Variants in G3BP2 observed in about 807,000 individuals in gnomAD.
G3BP2 encodes ras GTPase-activating protein-binding protein 2.
Under a neutral mutation model 56.7 loss-of-function variants are expected in G3BP2, and 11 were observed. The ratio of observed to expected loss-of-function variants is 0.19; its 90% confidence interval spans 0.12 to 0.32. The LOEUF is 0.32. Among genes scored for constraint, G3BP2 ranks in the 10% least tolerant of loss-of-function variants. The pLI is 1.00. For synonymous variants in G3BP2, 165 were observed against 191.6 expected, an observed-to-expected ratio of 0.86 and a Z score of 1.15; for missense variants, 340 against 610.9, an observed-to-expected ratio of 0.56 and a Z score of 4.67.
intron 1 of G3BP2, among the ~76,000 whole-genome samples, chr4:75,663,347 C>CCAGGCT (rs11272984): frequency 0.87 from 132,514 of 151,564 alleles, 57,960 homozygotes; most frequent in East Asian, 0.92. Flanking sequence ...GCCTCAACTG[C>CCAGGCT]CAGGCTCAGG....
chr4:75,644,409 C>A lies in G3BP2; in HGVS notation c.*1021G>T, dbSNP rs561460943. 3.0e-4 allele frequency: 46 copies of A among 152,676 alleles called. No individual in the cohort carries two copies. Among genetic ancestry groups the A allele is most frequent in the African/African-American group, 1.0e-3 (43 of 41,540 alleles). The allele number at this position is 152,676 out of a possible 1,614,324, so 9.5% of individuals were successfully genotyped here. ...GTCCATTTTACTGATTTTAAAGATA[C>A]TGCAATTTTTATACATTTCGATGAT... is the stretch of plus-strand genomic sequence containing the variant. On this transcript the variant is annotated 3_prime_UTR_variant, in exon 12 of 12. Coordinates refer to ENST00000359707, the MANE Select transcript of G3BP2 (RefSeq NM_203505.3).
intron 1 of G3BP2, chr4:75,724,265 G>C (rs1268068016): frequency 6.5e-6 from 1 of 154,078 alleles, no homozygotes; most frequent in Admixed American, 6.4e-5. Flanking sequence ...TCAGGCGCCA[G>C]GAAGCCTTAC....
At chr4:75,649,449 GGGAGTAATA>G (rs1350811319) in intron 8 of G3BP2, among the ~76,000 whole-genome samples, 3 of 152,130 alleles carry the variant, frequency 2.0e-5, no homozygotes, top group Non-Finnish European at 4.4e-5. Flanking sequence ...CTAGGGGTCT[GGGAGTAATA>G]GGACAGTTTA....
At chr4:75,660,738 G>A (rs928862147) in intron 2 of G3BP2, among the ~76,000 whole-genome samples, 5 of 152,126 alleles carry the variant, frequency 3.3e-5, no homozygotes, top group African/African-American at 9.7e-5. Flanking sequence ...CTTTCTCACA[G>A]TAAGTGGCAA....
Position 75,658,852 on chromosome 4 carries a change from A to G in G3BP2, c.168T>C (p.Tyr56=). 6.2e-7 allele frequency: 1 copy of G among 1,606,580 alleles called. No individual in the cohort carries two copies. Among genetic ancestry groups the G allele is most frequent in the Non-Finnish European group, 8.5e-7 (1 of 1,173,076 alleles). The change falls in exon 3 of 12, where the codon TAT becomes TAC. Residue 56 remains tyrosine, a synonymous_variant. Transcript: ENST00000359707. The part of the protein sequence containing the change: ...DASGKPQEAV[Y]GQNDIHHKVL... Reference sequence around the variant, plus strand: ...TGAAATTGATACTTACATTTTGGCCATAAACAGCTTCCTGGGGCTTTCCAC... The same window carrying G: ...TGAAATTGATACTTACATTTTGGCCGTAAACAGCTTCCTGGGGCTTTCCAC...
intron 8 of G3BP2, among the ~76,000 whole-genome samples, chr4:75,650,984 A>G (rs1301877897): frequency 6.6e-6 from 1 of 152,208 alleles, no homozygotes; most frequent in Non-Finnish European, 1.5e-5. Context: ...CTGACCCAAA[A>G]CATGCAGGAT....
At chr4:75,662,864 C>T (rs1337908268) in intron 1 of G3BP2, among the ~76,000 whole-genome samples, 1 of 152,180 alleles carries the variant, frequency 6.6e-6, no homozygotes, top group Non-Finnish European at 1.5e-5. Flanking sequence ...ACAGAGGGCC[C>T]AAGTTAAGAC....
rs1216630943 is a variant in G3BP2, at chr4:75,644,792, T to C, written c.*638A>G. 6.5e-6 allele frequency: 1 copy of C among 152,682 alleles called. No individual in the cohort carries two copies. The highest frequency in any genetic ancestry group is 6.5e-5 in the Admixed American group (1 of 15,280). The allele number at this position is 152,682 out of a possible 1,614,324, so 9.5% of individuals were successfully genotyped here. A position where few individuals can be genotyped will look rare whatever the true frequency, so the allele number is the denominator to read the frequency against. On this transcript the variant is annotated 3_prime_UTR_variant, in exon 12 of 12. Coordinates refer to ENST00000359707, the MANE Select transcript of G3BP2 (RefSeq NM_203505.3). Reference sequence around the variant, plus strand: ...AAATGATTTCCTTCTGGAATATACTTGTAGTCTTGTTAAGGTTTATGTGTA... The same window carrying C: ...AAATGATTTCCTTCTGGAATATACTCGTAGTCTTGTTAAGGTTTATGTGTA...
chr4:75,652,752 T>C (rs1046050699), intron 8 of G3BP2, among the ~76,000 whole-genome samples: 8 of 152,208 alleles, frequency 5.3e-5, no homozygotes, highest in Non-Finnish European at 1.0e-4. Flanking sequence ...AATTTTTTGA[T>C]CTCTAAAACA....
In G3BP2 at chr4:75,653,008, A is replaced by C. The variant is rs150214608; in HGVS notation, c.825+975T>G. 2.0e-3 allele frequency among the ~76,000 whole-genome samples: 312 copies of C among 152,296 alleles called. 1 individual carries two copies. The highest frequency in any genetic ancestry group is 6.9e-3 in the African/African-American group (286 of 41,566). On this transcript the variant is annotated intron_variant, in intron 8 of 11. Coordinates refer to ENST00000359707, the MANE Select transcript of G3BP2 (RefSeq NM_203505.3). ...TCTTCATATGGGTAGAAAAGCACAA[A>C]ACAATACTGCACAAACTAATTTCCT...
At chr4:75,685,305 A>C (rs1275153129) in intron 3 of G3BP2, among the ~76,000 whole-genome samples, 1 of 152,012 alleles carries the variant, frequency 6.6e-6, no homozygotes, top group Non-Finnish European at 1.5e-5. Context: ...GTTTGACACC[A>C]GCCTGGCCAA....
chr4:75,657,830 A>G (rs1435669480), intron 3 of G3BP2, 100 bp from the exon 4 acceptor site: 1 of 726,340 alleles, frequency 1.4e-6, no homozygotes, highest in Non-Finnish European at 2.3e-6. Flanking sequence ...ACTCTGCAAT[A>G]TTAACTAATC....
At chr4:75,703,333 A>G (rs981888820) in intron 3 of G3BP2, among the ~76,000 whole-genome samples, 1 of 152,198 alleles carries the variant, frequency 6.6e-6, no homozygotes, top group Non-Finnish European at 1.5e-5. Flanking sequence ...AGGACCAGAC[A>G]CTGCGGAGGC....
intron 3 of G3BP2, among the ~76,000 whole-genome samples, chr4:75,692,210 G>C (rs1718886507): frequency 6.6e-6 from 1 of 152,154 alleles, no homozygotes; most frequent in Non-Finnish European, 1.5e-5. Flanking sequence ...CGTAAGTTAA[G>C]GAACCTCTTG....
At position 75,655,785 on chromosome 4, in the gene G3BP2, A is replaced by G. The variant is rs929907418; in HGVS notation, c.528T>C (p.Tyr176=). The part of the protein sequence containing the change: ...PVQENANSGY[Y]EAHPVTNGIE... The stretch of plus-strand genomic sequence containing the variant: ...ATGCTTACGTCACAGGGTGAGCTTC[A>G]TAGTAACCACTGTTAGCATTTTCTT... The change falls in exon 6 of 12, where the codon TAT becomes TAC. Residue 176 remains tyrosine, a synonymous_variant. Coordinates refer to ENST00000359707, the MANE Select transcript of G3BP2 (RefSeq NM_203505.3). 6.3e-7 allele frequency: 1 copy of G among 1,581,262 alleles called. No homozygotes were observed. The highest frequency in any genetic ancestry group is 8.7e-7 in the Non-Finnish European group (1 of 1,150,016).
At chr4:75,703,625 G>A (rs555071165) in intron 3 of G3BP2, among the ~76,000 whole-genome samples, 16 of 152,188 alleles carry the variant, frequency 1.1e-4, no homozygotes, top group Non-Finnish European at 2.2e-4. Flanking sequence ...GGGGATACAA[G>A]ATAGCAAGAG....
chr4:75,673,220 G>T lies in G3BP2; in HGVS notation c.-37C>A. ...CGCCCGTACACACCTCCAGCCAACGGCGGCGGCGGGTACGTCGCGCGGAGG... is the reference window on the plus strand; with the variant it reads ...CGCCCGTACACACCTCCAGCCAACGTCGGCGGCGGGTACGTCGCGCGGAGG... On this transcript the variant is annotated 5_prime_UTR_variant, in exon 1 of 12. Transcript: ENST00000359707. 1 of 1,207,688 alleles carries T rather than the reference G, an allele frequency of 8.3e-7. No homozygotes were observed. Among genetic ancestry groups the T allele is most frequent in the Non-Finnish European group, 1.0e-6 (1 of 972,702 alleles). The allele number at this position is 1,207,688 out of a possible 1,614,324, so 74.8% of individuals were successfully genotyped here.
In G3BP2 at chr4:75,659,117, TG is replaced by T. The variant is rs3832274; in HGVS notation, c.96-194del. On this transcript the variant is annotated intron_variant, in intron 2 of 11. Transcript: ENST00000359707. ...AAACAGGAACAGGAACTACTCCATA[TG>T]GTTGTTGTAAGGATTAAATGACTAA... 7.2e-4 allele frequency among the ~76,000 whole-genome samples: 109 copies of T among 152,326 alleles called. No homozygotes were observed. In the East Asian group the frequency reaches 0.02, roughly 27 times the overall value.
In G3BP2 at chr4:75,644,145, A is replaced by G. The variant is rs1731056408; in HGVS notation, c.*1285T>C. Reference sequence around the variant, plus strand: ...TATCCTCACTTCAGGCTTACTTGCCATTTATAGAATCTGACTGCTTTTAAA... The same window carrying G: ...TATCCTCACTTCAGGCTTACTTGCCGTTTATAGAATCTGACTGCTTTTAAA... On this transcript the variant is annotated 3_prime_UTR_variant, in exon 12 of 12. Coordinates refer to ENST00000359707, the MANE Select transcript of G3BP2 (RefSeq NM_203505.3). The G allele has an allele frequency of 6.6e-6, 1 of 152,610 alleles. No individual in the cohort carries two copies. The highest frequency in any genetic ancestry group is 2.4e-5 in the African/African-American group (1 of 41,450). 9.5% of individuals were successfully genotyped at this position (152,610 alleles called of 1,614,324 possible). A position where few individuals can be genotyped will look rare whatever the true frequency, so the allele number is the denominator to read the frequency against.
Sources: allele counts gnomAD v4.1 joint callset (sites outside exome capture counted in the v4.1 genomes callset), GRCh38; gene constraint gnomAD v4.1.1; transcripts MANE v1.5; gene names NCBI Gene and HGNC (gene_info 2026-07-23, HGNC 2026-07-21).